TET1: variants seen among roughly 807,000 people sequenced by gnomAD.
TET1 encodes methylcytosine dioxygenase TET1.
TET1 carries 13 observed loss-of-function variants against 148.7 expected under a neutral mutation model. That is an observed-to-expected ratio of 0.09 (90% CI 0.06 to 0.14). The LOEUF (loss-of-function observed/expected upper bound fraction) is 0.14. Ranked by LOEUF, TET1 falls within the 10% of genes least tolerant of loss-of-function variation. TET1 has a pLI of 1.00. For missense variants in TET1, 2,182 were observed against 2,553.8 expected (o/e 0.85, Z 3.14); for synonymous variants, 907 against 937.2 (o/e 0.97, Z 0.59).
chr10:68,686,365 T>G lies in TET1; in HGVS notation c.5062T>G (p.Leu1688Val). The G allele has an allele frequency of 6.2e-7, 1 of 1,604,154 alleles. No individual in the cohort carries two copies. Among genetic ancestry groups the G allele is most frequent in the Non-Finnish European group, 8.5e-7 (1 of 1,174,070 alleles). The part of the protein sequence containing the change: ...MNNGSTVVCT[L>V]TREDNRSLGV... ...TTTTTCTCCCTATCAGGTTTGTACC[T>G]TAACTCGAGAAGATAACCGCTCTTT... Residue 1688 changes from leucine (L) to valine (V), a missense_variant, in exon 11 of 12, where the codon TTA becomes GTA. Physicochemically the swap from Leu to Val is conservative, Grantham distance 32. Transcript: ENST00000373644.
At position 68,646,911 on chromosome 10, in the gene TET1, T is replaced by A; in HGVS notation, c.4182T>A (p.Asn1394Lys). The A allele has an allele frequency of 1.2e-6, 2 of 1,614,132 alleles. No homozygotes were observed. Among genetic ancestry groups the A allele is most frequent in the South Asian group, 2.2e-5 (2 of 91,080 alleles). ...CCACAGTGGACAGTGCACAGAAAAATTTTAATGATTATGCCATGAACTTCT... is the reference window on the plus strand; with the variant it reads ...CCACAGTGGACAGTGCACAGAAAAAATTTAATGATTATGCCATGAACTTCT... ...EFSTVDSAQKNFNDYAMNFFT... is the reference protein window; with the variant it reads ...EFSTVDSAQKKFNDYAMNFFT... Residue 1394 changes from asparagine to lysine, a missense_variant, in exon 4 of 12, where the codon AAT (asparagine) becomes AAA (lysine). By Grantham distance (94) the Asn-to-Lys change is moderately conservative. Transcript: ENST00000373644.
At chr10:68,687,645 G>A (rs1189755189) in intron 11 of TET1, among the ~76,000 whole-genome samples, 1 of 152,120 alleles carries the variant, frequency 6.6e-6, no homozygotes, top group Non-Finnish European at 1.5e-5. Context: ...AGTGCATGCA[G>A]TGGCGTGATC....
rs1273284885 is a variant in TET1 at position 68,624,650 on chromosome 10, T to C, written c.1969-20048T>C. Among the ~76,000 whole-genome samples, 296 of 56,990 alleles carry C rather than the reference T, an allele frequency of 5.2e-3. 3 individuals carry two copies. Among genetic ancestry groups the C allele is most frequent in the African/African-American group, 0.023 (213 of 9,278 alleles). The allele number at this position is 56,990 out of a possible 152,430, so 37.4% of individuals were successfully genotyped here. A position where few individuals can be genotyped will look rare whatever the true frequency, so the allele number is the denominator to read the frequency against. On this transcript the variant is annotated intron_variant, in intron 3 of 11. Coordinates refer to ENST00000373644, the MANE Select transcript of TET1 (RefSeq NM_030625.3). Reference sequence around the variant, plus strand: ...TTTCTTTCTTTCTTTCTTTCTTTCTTTCTTTCTTTCTCTCTCTCTCTCTCT... The same window carrying C: ...TTTCTTTCTTTCTTTCTTTCTTTCTCTCTTTCTTTCTCTCTCTCTCTCTCT...
chr10:68,629,525 A>G (rs756167333), intron 3 of TET1, among the ~76,000 whole-genome samples: 2 of 150,518 alleles, frequency 1.3e-5, no homozygotes, highest in South Asian at 2.1e-4. Context: ...AAATAAAAGT[A>G]TATTATTATT....
At chr10:68,666,899 C>T (rs2055202222) in intron 6 of TET1, 146 bp from the exon 7 acceptor site, 2 of 730,822 alleles carry the variant, frequency 2.7e-6, no homozygotes, top group Non-Finnish European at 4.3e-6. Flanking sequence ...GCCTTGGTAA[C>T]ATAGTTAGAC....
At chr10:68,566,605 G>A (rs2053609707) in intron 1 of TET1, among the ~76,000 whole-genome samples, 1 of 151,472 alleles carries the variant, frequency 6.6e-6, no homozygotes, top group South Asian at 2.1e-4. Context: ...GTTATTTTTT[G>A]TGTATTTGAT....
At chr10:68,564,156 C>CT (rs775525720) in intron 1 of TET1, among the ~76,000 whole-genome samples, 1 of 138,018 alleles carries the variant, frequency 7.2e-6, no homozygotes, top group African/African-American at 2.6e-5. Flanking sequence ...CTATTGTTTT[C>CT]TTTTTTTTTT....
In TET1 at chr10:68,644,722, A is replaced by G; in HGVS notation, c.1993A>G (p.Asn665Asp). The change falls in exon 4 of 12, where the codon AAT (asparagine) becomes GAT (aspartate). Residue 665 changes from asparagine to aspartate, a missense_variant. Physicochemically the swap from Asn to Asp is conservative, Grantham distance 23. Around this residue, in one of 11 missense-constraint regions of TET1, gnomAD observed 226 missense variants for 307.4 expected, o/e 0.74. Coordinates refer to ENST00000373644, the MANE Select transcript of TET1 (RefSeq NM_030625.3). ...GGCAGATTTTGACAACAAACCAGTA[A>G]ATGGCCCCAAGTCAGAATCCATGGA... ...LKADFDNKPV[N>D]GPKSESMDYS... 2 of 1,571,468 alleles carry G rather than the reference A, an allele frequency of 1.3e-6. No individual in the cohort carries two copies.
chr10:68,585,087 C>T (rs2053846211), intron 2 of TET1, among the ~76,000 whole-genome samples: 1 of 152,124 alleles, frequency 6.6e-6, no homozygotes, highest in Non-Finnish European at 1.5e-5. Context: ...TCACTGAATC[C>T]TCTGCCTCCC....
intron 6 of TET1, among the ~76,000 whole-genome samples, chr10:68,658,423 G>A (rs1217053000): frequency 6.6e-6 from 1 of 152,052 alleles, no homozygotes; most frequent in African/African-American, 2.4e-5. Context: ...ACAGGCGTGA[G>A]CCACCGCGAC....
At chr10:68,580,959 CTG>C (rs2053790816) in intron 2 of TET1, among the ~76,000 whole-genome samples, 2 of 151,912 alleles carry the variant, frequency 1.3e-5, no homozygotes, top group Non-Finnish European at 2.9e-5. Flanking sequence ...GGCAGTGAGA[CTG>C]TGTCTCAGAA....
In TET1 at chr10:68,572,250, T is replaced by C; in HGVS notation, c.-89T>C. 1 of 1,119,592 alleles carries C rather than the reference T, an allele frequency of 8.9e-7. No homozygotes were observed. The highest frequency in any genetic ancestry group is 1.3e-6 in the Non-Finnish European group (1 of 794,014). 69.4% of individuals were successfully genotyped at this position (1,119,592 alleles called of 1,614,324 possible). A position where few individuals can be genotyped will look rare whatever the true frequency, so the allele number is the denominator to read the frequency against. On this transcript the variant is annotated 5_prime_UTR_variant, in exon 2 of 12. Coordinates refer to ENST00000373644, the MANE Select transcript of TET1 (RefSeq NM_030625.3). ...CTTGTGTGACTGAGCTGAAGAGCAG[T>C]GCATCCAGATTCTCCTCAGAAGTGA... is the stretch of plus-strand genomic sequence containing the variant.
At chr10:68,636,854 T>C (rs2054657513) in intron 3 of TET1, among the ~76,000 whole-genome samples, 1 of 152,196 alleles carries the variant, frequency 6.6e-6, no homozygotes, top group Admixed American at 6.5e-5. Flanking sequence ...TGACTTTCTG[T>C]GGACTTCGAA....
intron 6 of TET1, among the ~76,000 whole-genome samples, chr10:68,653,661 A>G (rs1007506977): frequency 2.0e-5 from 3 of 152,148 alleles, no homozygotes; most frequent in African/African-American, 7.2e-5. Context: ...GAGAATTTAC[A>G]TGTTTCTTGT....
intron 3 of TET1, among the ~76,000 whole-genome samples, chr10:68,617,432 A>G (rs2054309878): frequency 6.6e-6 from 1 of 151,878 alleles, no homozygotes; most frequent in South Asian, 2.1e-4. Context: ...AATGCTGGGG[A>G]TACAGGGACA....
chr10:68,640,266 A>ATT (rs530716761), intron 3 of TET1, among the ~76,000 whole-genome samples: 105 of 138,396 alleles, frequency 7.6e-4, no homozygotes, highest in African/African-American at 2.6e-3. Context: ...TCTACCTTAA[A>ATT]TTTTTTTTTT....
Position 68,574,013 on chromosome 10 carries a change from A to C in TET1, c.1675A>C (p.Thr559Pro). Reference sequence around the variant, plus strand: ...AACCAGCACAGTTCATGTTGTCAACACCACAGTGGTGACTATGCCAGTGCC... The same window carrying C: ...AACCAGCACAGTTCATGTTGTCAACCCCACAGTGGTGACTATGCCAGTGCC... ...SVTSTVHVVN[T>P]TVVTMPVPMV... Residue 559 changes from threonine (T) to proline (P), a missense_variant, in exon 2 of 12, where the codon ACC becomes CCC. By Grantham distance (38) the Thr-to-Pro change is conservative. Around this residue, in one of 11 missense-constraint regions of TET1, gnomAD observed 665 missense variants for 672.4 expected, o/e 0.99. Transcript: ENST00000373644. The C allele has an allele frequency of 6.2e-7, 1 of 1,614,136 alleles. No homozygotes were observed. Among genetic ancestry groups the C allele is most frequent in the South Asian group, 1.1e-5 (1 of 91,078 alleles).
intron 10 of TET1, among the ~76,000 whole-genome samples, chr10:68,685,850 T>TA (rs569967860): frequency 2.6e-5 from 4 of 152,006 alleles, no homozygotes; most frequent in African/African-American, 9.6e-5. Flanking sequence ...AATATAAAAT[T>TA]AAAAAAAAAT....
intron 3 of TET1, among the ~76,000 whole-genome samples, chr10:68,625,761 A>G (rs531342173): frequency 6.6e-6 from 1 of 152,222 alleles, no homozygotes; most frequent in African/African-American, 2.4e-5. Context: ...GCAGTCCCAG[A>G]TTTGAATTTA....
Sources: allele counts gnomAD v4.1 joint callset (sites outside exome capture counted in the v4.1 genomes callset), GRCh38; gene constraint gnomAD v4.1.1; regional missense constraint gnomAD v4.1.1; transcripts MANE v1.5; gene names NCBI Gene and HGNC (gene_info 2026-07-23, HGNC 2026-07-21).